TMEM177: variants seen among roughly 807,000 people sequenced by gnomAD.
TMEM177 encodes transmembrane protein 177.
In TMEM177, 4 loss-of-function variants were observed where a neutral mutation model predicts 14.2. The observed-to-expected ratio is 0.28, with a 90% CI of 0.14 to 0.64. The LOEUF is 0.64. Among genes scored for constraint, TMEM177 ranks in the 30% least tolerant of loss-of-function variants. The pLI is 0.82. For synonymous variants in TMEM177, 179 were observed against 174.5 expected, an observed-to-expected ratio of 1.03 and a Z score of -0.20; for missense variants, 344 against 405.2, an observed-to-expected ratio of 0.85 and a Z score of 1.30.
chr2:119,688,545 T>A (rs1689051241), downstream of TMEM177, among the ~76,000 whole-genome samples: 1 of 152,200 alleles, frequency 6.6e-6, no homozygotes, highest in Non-Finnish European at 1.5e-5. Flanking sequence ...TGGGTAGCTG[T>A]AACGCAATGG....
the TMEM177 span, among the ~76,000 whole-genome samples, chr2:119,709,933 C>T: frequency 6.6e-6 from 1 of 152,082 alleles, no homozygotes; most frequent in Non-Finnish European, 1.5e-5. Flanking sequence ...TCAAAATGTA[C>T]GCACTTGTAA....
chr2:119,709,924 C>A, the TMEM177 span, among the ~76,000 whole-genome samples: 1 of 152,128 alleles, frequency 6.6e-6, no homozygotes, highest in Non-Finnish European at 1.5e-5. Flanking sequence ...AGAAAGATGT[C>A]AAAATGTACG....
rs988109148 is a variant in TMEM177 at position 119,681,984 on chromosome 2, A to G, written c.*195A>G. The G allele has an allele frequency of 3.1e-5, 18 of 582,314 alleles. No homozygotes were observed. In the Admixed American group the frequency reaches 3.1e-4, roughly 10 times the overall value. The allele number at this position is 582,314 out of a possible 1,614,324, so 36.1% of individuals were successfully genotyped here. ...ATGAGGGACTATTCAGGGGCTATGA[A>G]TCTGAGCCTTTGTTTCTTGAACTGT... On this transcript the variant is annotated 3_prime_UTR_variant, in exon 2 of 2. Transcript: ENST00000272521.
the TMEM177 span, among the ~76,000 whole-genome samples, chr2:119,698,198 C>T: frequency 1.3e-5 from 2 of 152,142 alleles, no homozygotes; most frequent in Admixed American, 1.3e-4. Flanking sequence ...GTGGTAGCAA[C>T]TTTTATTCTT....
chr2:119,705,618 C>CT, the TMEM177 span, among the ~76,000 whole-genome samples: 1 of 32,492 alleles, frequency 3.1e-5, no homozygotes, highest in Non-Finnish European at 6.9e-5. Flanking sequence ...CCACTCAGAT[C>CT]CGTGTGTGTG....
At chr2:119,698,847 A>G in the TMEM177 span, 3 of 152,322 alleles carry the variant, frequency 2.0e-5, no homozygotes, top group Non-Finnish European at 4.4e-5. Flanking sequence ...AAATATAACA[A>G]TTAGCCAGGC....
the TMEM177 span, among the ~76,000 whole-genome samples, chr2:119,705,990 A>ATATATATATTATATAT: frequency 0.013 from 197 of 14,602 alleles, no homozygotes; most frequent in African/African-American, 0.022. Flanking sequence ...CTCTCTATAT[A>ATATATATATTATATAT]TATATATTAT....
chr2:119,680,833 T>C lies in TMEM177; in HGVS notation c.-21T>C. On this transcript the variant is annotated splice_region_variant and 5_prime_UTR_variant, in exon 2 of 2. Coordinates refer to ENST00000272521, the MANE Select transcript of TMEM177 (RefSeq NM_030577.3). ...TGACTTCTCTTTTTCTTGGCCCAGATTGTCCGCAGTGACTACACTCATGGC... is the reference window on the plus strand; with the variant it reads ...TGACTTCTCTTTTTCTTGGCCCAGACTGTCCGCAGTGACTACACTCATGGC... 1 of 1,598,280 alleles carries C rather than the reference T, an allele frequency of 6.3e-7. No individual in the cohort carries two copies. The highest frequency in any genetic ancestry group is 8.6e-7 in the Non-Finnish European group (1 of 1,169,232).
downstream of TMEM177, among the ~76,000 whole-genome samples, chr2:119,682,558 CAG>C (rs1688933103): frequency 6.6e-6 from 1 of 152,234 alleles, no homozygotes; most frequent in African/African-American, 2.4e-5. Context: ...ATGGCACACT[CAG>C]GGAGAAGGAG....
At chr2:119,705,644 G>GTGTGTGTT in the TMEM177 span, among the ~76,000 whole-genome samples, 2 of 151,574 alleles carry the variant, frequency 1.3e-5, no homozygotes. Flanking sequence ...GTGTGTGTGT[G>GTGTGTGTT]TGTGTGTGTG....
At position 119,681,969 on chromosome 2, in the gene TMEM177, A is replaced by G; in HGVS notation, c.*180A>G. The G allele has an allele frequency of 3.3e-6, 2 of 608,182 alleles. No individual in the cohort carries two copies. The highest frequency in any genetic ancestry group is 2.9e-6 in the Non-Finnish European group (1 of 339,942). The allele number at this position is 608,182 out of a possible 1,614,324, so 37.7% of individuals were successfully genotyped here. On this transcript the variant is annotated 3_prime_UTR_variant, in exon 2 of 2. Transcript: ENST00000272521. The stretch of plus-strand genomic sequence containing the variant: ...ATGAACTCAGGGACTATGAGGGACT[A>G]TTCAGGGGCTATGAATCTGAGCCTT...
chr2:119,693,762 C>T, the TMEM177 span, among the ~76,000 whole-genome samples: 1 of 151,270 alleles, frequency 6.6e-6, no homozygotes, highest in African/African-American at 2.4e-5. Flanking sequence ...GACCCACCCA[C>T]ATGACCGCTG....
At chr2:119,711,833 A>T in the TMEM177 span, among the ~76,000 whole-genome samples, 1 of 152,148 alleles carries the variant, frequency 6.6e-6, no homozygotes, top group Non-Finnish European at 1.5e-5. Context: ...AGGCTCCCTG[A>T]GATGACAGTC....
chr2:119,687,250 G>A (rs146774589), downstream of TMEM177, among the ~76,000 whole-genome samples: 2,137 of 152,266 alleles, frequency 0.014, 22 homozygotes, highest in Non-Finnish European at 0.021. Flanking sequence ...AACAGCTGGG[G>A]CCCTTGGGCC....
At chr2:119,722,274 A>C in the TMEM177 span, among the ~76,000 whole-genome samples, 1 of 152,062 alleles carries the variant, frequency 6.6e-6, no homozygotes. Context: ...CCAGTTACCT[A>C]GGAGGGGATA....
At chr2:119,702,474 T>C in the TMEM177 span, among the ~76,000 whole-genome samples, 1 of 152,136 alleles carries the variant, frequency 6.6e-6, no homozygotes, top group Admixed American at 6.5e-5. Context: ...TGGTGGCTCC[T>C]ATGTCTTGGC....
the TMEM177 span, among the ~76,000 whole-genome samples, chr2:119,692,662 A>G: frequency 1.3e-5 from 2 of 152,218 alleles, no homozygotes; most frequent in Non-Finnish European, 2.9e-5. Context: ...TCATTCAGCC[A>G]CCATGAATCC....
chr2:119,709,570 C>G, the TMEM177 span, among the ~76,000 whole-genome samples: 2 of 152,138 alleles, frequency 1.3e-5, no homozygotes, highest in African/African-American at 4.8e-5. Context: ...ACCTGTAATC[C>G]TAGCTCTTTG....
At chr2:119,693,310 C>T in the TMEM177 span, among the ~76,000 whole-genome samples, 1 of 152,210 alleles carries the variant, frequency 6.6e-6, no homozygotes, top group Non-Finnish European at 1.5e-5. Context: ...CAGTAGCACA[C>T]AGGGCACCCA....
Sources: allele counts gnomAD v4.1 joint callset (sites outside exome capture counted in the v4.1 genomes callset), GRCh38; gene constraint gnomAD v4.1.1; transcripts MANE v1.5; gene names NCBI Gene and HGNC (gene_info 2026-07-23, HGNC 2026-07-21).